CAMTA1: variants seen among roughly 807,000 people sequenced by gnomAD.
CAMTA1 encodes calmodulin binding transcription activator 1.
Under a neutral mutation model 170.9 loss-of-function variants are expected in CAMTA1, and 27 were observed. The ratio of observed to expected loss-of-function variants is 0.16; its 90% confidence interval spans 0.12 to 0.22. CAMTA1 has a LOEUF of 0.22. CAMTA1 is among the 10% of genes least tolerant of loss of function. The probability of loss-of-function intolerance (pLI) is 1.00; values close to 1 mark genes in which losing one functional copy is unlikely to be tolerated. For missense variants in CAMTA1, 1,619 were observed against 2,217.2 expected (o/e 0.73, Z 5.42); for synonymous variants, 833 against 891.5 (o/e 0.93, Z 1.17).
chr1:7,523,974 G>A (rs963705683), intron 6 of CAMTA1, among the ~76,000 whole-genome samples: 4 of 152,012 alleles, frequency 2.6e-5, no homozygotes, highest in East Asian at 3.9e-4. Flanking sequence ...AAGCTGAGGC[G>A]GGTGGATCAC....
At chr1:7,122,542 G>C (rs1036913899) in intron 4 of CAMTA1, among the ~76,000 whole-genome samples, 14 of 152,158 alleles carry the variant, frequency 9.2e-5, no homozygotes, top group African/African-American at 3.1e-4. Context: ...GAGCAGGCAG[G>C]CACTTCGGGT....
In CAMTA1 at chr1:6,809,978, A is replaced by G. The variant is rs182640917; in HGVS notation, c.46-10203A>G. Among the ~76,000 whole-genome samples, 298 of 152,218 alleles carry G rather than the reference A, an allele frequency of 2.0e-3. 1 individual carries two copies. Among genetic ancestry groups the G allele is most frequent in the African/African-American group, 6.9e-3 (287 of 41,550 alleles). On this transcript the variant is annotated intron_variant, in intron 1 of 22. Transcript: ENST00000303635. ...CATATACAGAGTACTGGTAGAAATG[A>G]TGGTGAAATGATTGATCCAGTCCAA...
chr1:6,913,234 G>A (rs940753789), intron 3 of CAMTA1, among the ~76,000 whole-genome samples: 1 of 152,184 alleles, frequency 6.6e-6, no homozygotes, highest in South Asian at 2.1e-4. Flanking sequence ...GCCACTGCTT[G>A]GCCCCAAGTC....
chr1:7,158,578 G>A (rs1235688970), intron 4 of CAMTA1, among the ~76,000 whole-genome samples: 1 of 152,154 alleles, frequency 6.6e-6, no homozygotes, highest in Non-Finnish European at 1.5e-5. Context: ...TTGTACTGAT[G>A]TTGGCAATTT....
At chr1:7,220,993 G>A (rs895782647) in intron 4 of CAMTA1, among the ~76,000 whole-genome samples, 1 of 152,200 alleles carries the variant, frequency 6.6e-6, no homozygotes, top group South Asian at 2.1e-4. Context: ...AGCTTCTGCT[G>A]TGCCCTCACG....
chr1:6,953,379 A>T (rs140684069), intron 3 of CAMTA1, among the ~76,000 whole-genome samples: 1 of 152,190 alleles, frequency 6.6e-6, no homozygotes, highest in Admixed American at 6.5e-5. Flanking sequence ...CCAAGATCTC[A>T]GTTGGTCTTT....
chr1:7,714,646 C>T (rs536580581), intron 11 of CAMTA1, among the ~76,000 whole-genome samples: 26 of 152,200 alleles, frequency 1.7e-4, no homozygotes, highest in Admixed American at 1.2e-3. Flanking sequence ...CTCAGCCTCC[C>T]GAGTAGCTGG....
At position 7,276,545 on chromosome 1, in the gene CAMTA1, G is replaced by A. The variant is rs188589731; in HGVS notation, c.438+26919G>A. Among the ~76,000 whole-genome samples the A allele has an allele frequency of 4.9e-3, 749 of 151,570 alleles. 6 individuals carry two copies. The highest frequency in any genetic ancestry group is 0.016 in the African/African-American group (680 of 41,240). On this transcript the variant is annotated intron_variant, in intron 5 of 22. Coordinates refer to ENST00000303635, the MANE Select transcript of CAMTA1 (RefSeq NM_015215.4). The stretch of plus-strand genomic sequence containing the variant: ...AGGATGGTCTCAATCTCCTGACCTC[G>A]TGATCCGCTTGCCTCGGCCTCCCAA...
intron 6 of CAMTA1, among the ~76,000 whole-genome samples, chr1:7,608,761 T>G (rs1337935835): frequency 6.6e-6 from 1 of 152,104 alleles, no homozygotes; most frequent in African/African-American, 2.4e-5. Flanking sequence ...AGTGAAGTTA[T>G]TGACAATCTG....
chr1:7,111,170 T>G (rs574526047), intron 4 of CAMTA1, among the ~76,000 whole-genome samples: 2 of 152,338 alleles, frequency 1.3e-5, no homozygotes, highest in East Asian at 3.9e-4. Flanking sequence ...CTAATGACCT[T>G]GTGATTACAT....
At chr1:7,645,677 C>A (rs906253207) in intron 7 of CAMTA1, among the ~76,000 whole-genome samples, 5 of 152,262 alleles carry the variant, frequency 3.3e-5, no homozygotes, top group Non-Finnish European at 5.9e-5. Flanking sequence ...CTCCACCCTG[C>A]CTGCCAGCCC....
rs1231899801 is a variant in CAMTA1, at chr1:7,093,871, G to C, written c.302+2500G>C. 6.6e-6 allele frequency among the ~76,000 whole-genome samples: 1 copy of C among 152,172 alleles called. No homozygotes were observed. Among genetic ancestry groups the C allele is most frequent in the East Asian group, 1.9e-4 (1 of 5,184 alleles). On this transcript the variant is annotated intron_variant, in intron 4 of 22. Coordinates refer to ENST00000303635, the MANE Select transcript of CAMTA1 (RefSeq NM_015215.4). This position sits in a 1 kb window ranked among gnomAD's most constrained non-coding sequence, Gnocchi z 4.6. ...CATCTTAGCTCCTTTAAAAGCCCTG[G>C]TTTTTCTTCTTCATATAGAAAATGG...
At chr1:7,174,843 G>C (rs528044477) in intron 4 of CAMTA1, among the ~76,000 whole-genome samples, 11 of 152,200 alleles carry the variant, frequency 7.2e-5, no homozygotes, top group Non-Finnish European at 1.2e-4. Flanking sequence ...GTCTGTCCTC[G>C]TCAGGCAGGC....
chr1:7,091,202 C>T (rs12070413), intron 3 of CAMTA1, 102 bp from the exon 4 acceptor site: 40,957 of 778,992 alleles, frequency 0.053, 1,230 homozygotes, highest in African/African-American at 0.095. Context: ...GTTCCAGGCT[C>T]GCAAATGAAA....
At chr1:7,238,181 A>G (rs986734512) in intron 4 of CAMTA1, among the ~76,000 whole-genome samples, 3 of 151,178 alleles carry the variant, frequency 2.0e-5, no homozygotes, top group South Asian at 2.1e-4. Context: ...TAAAGCAAAA[A>G]CATTTTGCTA....
chr1:7,758,286 A>G (rs1469548431), intron 22 of CAMTA1, among the ~76,000 whole-genome samples: 1 of 152,170 alleles, frequency 6.6e-6, no homozygotes, highest in Non-Finnish European at 1.5e-5. Flanking sequence ...CAGAATCCCA[A>G]CCTCAATTTC....
intron 11 of CAMTA1, among the ~76,000 whole-genome samples, chr1:7,701,958 G>A (rs1011611198): frequency 6.6e-6 from 1 of 152,100 alleles, no homozygotes; most frequent in Admixed American, 6.6e-5. Flanking sequence ...TTAGGGCGCT[G>A]GCAGCACTCG....
chr1:7,474,037 C>T (rs2093378438), intron 6 of CAMTA1, among the ~76,000 whole-genome samples: 3 of 152,240 alleles, frequency 2.0e-5, no homozygotes, highest in African/African-American at 7.2e-5. Context: ...GGGGCCACCC[C>T]CCTGGACACT....
At chr1:7,616,519 A>C (rs1265248510) in intron 6 of CAMTA1, among the ~76,000 whole-genome samples, 1 of 152,272 alleles carries the variant, frequency 6.6e-6, no homozygotes, top group Non-Finnish European at 1.5e-5. Flanking sequence ...TTAAAGCAAC[A>C]GCCTCCAGGA....
Sources: gnomAD v4.1 joint callset for allele counts (sites outside exome capture counted in the v4.1 genomes callset) on GRCh38, gnomAD v4.1.1 for gene constraint, Gnocchi (gnomAD v3.1) non-coding constraint, MANE v1.5 for transcripts, NCBI Gene and HGNC (gene_info 2026-07-23, HGNC 2026-07-21) for gene names.